The following FAM199X variants were observed in gnomAD, a reference collection of about 807,000 sequenced individuals.
The protein encoded by FAM199X is family with sequence similarity 199, X-linked.
In FAM199X, 4 loss-of-function variants were observed where a neutral mutation model predicts 22.9. The ratio of observed to expected loss-of-function variants is 0.17; its 90% CI spans 0.09 to 0.40. FAM199X has a LOEUF of 0.40. FAM199X is among the 10% of genes least tolerant of loss of function. FAM199X has a pLI of 1.00. For missense variants in FAM199X, 183 were observed against 306.8 expected (o/e 0.60, Z 3.01); for synonymous variants, 101 against 112.3 (o/e 0.90, Z 0.64).
chrX:104,158,331 C>A, the FAM199X span, among the ~76,000 whole-genome samples: 1 of 111,369 alleles, frequency 9.0e-6, no homozygotes, highest in Admixed American at 9.5e-5. Context: ...TAGGAATTGG[C>A]ATAACCAGCT....
upstream of FAM199X, among the ~76,000 whole-genome samples, chrX:104,164,615 C>T (rs1921110212): frequency 1.8e-5 from 2 of 111,669 alleles, no homozygotes; most frequent in African/African-American, 6.5e-5. Context: ...GGCACAGTAG[C>T]TCCACCTGTA....
At chrX:104,186,658 A>G in intron 4 of FAM199X, 37 bp downstream of exon 4, 1 of 1,101,932 alleles carries the variant, frequency 9.1e-7, no homozygotes, top group Admixed American at 2.6e-5. Context: ...ACCTATTAAA[A>G]ATACCACCAT....
chrX:104,158,899 C>T, the FAM199X span, among the ~76,000 whole-genome samples: 1 of 112,035 alleles, frequency 8.9e-6, no homozygotes, highest in Non-Finnish European at 1.9e-5. Flanking sequence ...CAGAACCCAT[C>T]ACTCCACACC....
intron 2 of FAM199X, among the ~76,000 whole-genome samples, chrX:104,176,886 GA>G (rs781985747): frequency 5.6e-4 from 62 of 110,612 alleles, no homozygotes; most frequent in African/African-American, 1.8e-3. Context: ...GAAAAGATGA[GA>G]TTTTTTTTTA....
Position 104,188,117 on chromosome X carries a change from T to C in FAM199X, c.807T>C (p.Cys269=). 1 of 1,211,642 alleles carries C rather than the reference T, an allele frequency of 8.3e-7. No homozygotes were observed. The highest frequency in any genetic ancestry group is 1.1e-6 in the Non-Finnish European group (1 of 895,506). The part of the protein sequence containing the change: ...REAWKRSNFS[C]ASTSGVSGAS... ...CCTGGAAGAGAAGCAACTTTAGTTG[T>C]GCAAGCACCAGTGGAGTGAGCGGTG... Residue 269 remains cysteine (C), a synonymous_variant, in exon 5 of 6, where the codon TGT becomes TGC. Coordinates refer to ENST00000493442, the MANE Select transcript of FAM199X (RefSeq NM_207318.4).
upstream of FAM199X, among the ~76,000 whole-genome samples, chrX:104,164,521 ACTCT>A (rs1921106972): frequency 9.0e-6 from 1 of 111,380 alleles, no homozygotes; most frequent in Non-Finnish European, 1.9e-5. Context: ...AACCTCACAG[ACTCT>A]CTCATTAGAC....
chrX:104,185,095 C>T (rs1157406846), intron 2 of FAM199X, among the ~76,000 whole-genome samples: 1 of 87,879 alleles, frequency 1.1e-5, no homozygotes, highest in Non-Finnish European at 2.1e-5. Flanking sequence ...TTTAGAGAGA[C>T]GGGGTCTCGC....
chrX:104,185,062 A>G (rs1026721770), intron 2 of FAM199X, among the ~76,000 whole-genome samples: 15 of 77,954 alleles, frequency 1.9e-4, no homozygotes, highest in African/African-American at 5.8e-4. Context: ...AGGCATGATA[A>G]TTTTTTTTTT....
chrX:104,182,529 G>A (rs1556378133), intron 2 of FAM199X, among the ~76,000 whole-genome samples: 1 of 110,965 alleles, frequency 9.0e-6, no homozygotes, highest in Non-Finnish European at 1.9e-5. Context: ...TTCTTCTGTT[G>A]AGCTTTCAAA....
Position 104,186,501 on chromosome X carries a change from G to A in FAM199X, c.609G>A (p.Glu203=). ...IEYLSRKVST[E]MGLREQLDII... is the part of the protein sequence containing the mutation. ...ATCTGAGTCGGAAAGTGAGTACTGAGATGGGTCTTCGGGAGCAACTTGATA... is the reference window on the plus strand; with the variant it reads ...ATCTGAGTCGGAAAGTGAGTACTGAAATGGGTCTTCGGGAGCAACTTGATA... Residue 203 remains glutamate (E), a synonymous_variant, in exon 4 of 6, where the codon GAG becomes GAA. Coordinates refer to ENST00000493442, the MANE Select transcript of FAM199X (RefSeq NM_207318.4). 8.3e-7 allele frequency: 1 copy of A among 1,211,240 alleles called. No individual in the cohort carries two copies. The highest frequency in any genetic ancestry group is 1.1e-6 in the Non-Finnish European group (1 of 895,054).
intron 2 of FAM199X, among the ~76,000 whole-genome samples, chrX:104,180,577 A>AT (rs1234604452): frequency 3.6e-5 from 4 of 111,146 alleles, no homozygotes; most frequent in Non-Finnish European, 7.5e-5. Flanking sequence ...TGTCAGAACA[A>AT]AAATCAGACC....
rs1556379090 is a variant in FAM199X at position 104,186,194 on chromosome X, T to C, written c.546T>C (p.Ser182=). The C allele has an allele frequency of 1.7e-6, 2 of 1,207,480 alleles. No homozygotes were observed. Among genetic ancestry groups the C allele is most frequent in the African/African-American group, 1.7e-5 (1 of 57,503 alleles). ...GGAATTTAGATGAACTCCCTTGGAG[T>C]GCAATGACAAATGATGAGCAGGTAA... ...KHRNLDELPW[S]AMTNDEQVEY... is the part of the protein sequence containing the mutation. Residue 182 remains serine (S), a synonymous_variant, in exon 3 of 6, where the codon AGT becomes AGC. Coordinates refer to ENST00000493442, the MANE Select transcript of FAM199X (RefSeq NM_207318.4).
upstream of FAM199X, among the ~76,000 whole-genome samples, chrX:104,163,095 TACACACACAC>T (rs35140355): frequency 0.021 from 1,976 of 95,365 alleles, 24 homozygotes; most frequent in Non-Finnish European, 0.029. Context: ...CTCAGCTAAA[TACACACACAC>T]ACACACACAC....
intron 2 of FAM199X, among the ~76,000 whole-genome samples, chrX:104,178,355 C>A (rs1399088767): frequency 1.8e-5 from 2 of 110,947 alleles, no homozygotes; most frequent in Admixed American, 9.6e-5. Context: ...TTAGTAGAGA[C>A]GGGGTTTCAC....
intron 2 of FAM199X, among the ~76,000 whole-genome samples, chrX:104,183,995 T>TC (rs1300851381): frequency 8.9e-6 from 1 of 111,878 alleles, no homozygotes; most frequent in African/African-American, 3.3e-5. Flanking sequence ...TGTGATTGAT[T>TC]CCCCAGTGCC....
intron 4 of FAM199X, among the ~76,000 whole-genome samples, chrX:104,187,471 GTTTC>G (rs1383075196): frequency 9.0e-6 from 1 of 111,642 alleles, no homozygotes; most frequent in Non-Finnish European, 1.9e-5. Flanking sequence ...CTTTTGATTT[GTTTC>G]TTTGTTTTGC....
At position 104,194,997 on chromosome X, in the gene FAM199X, C is replaced by T. The variant is rs1321414266; in HGVS notation, c.*5219C>T. ...TACAGTGTATATAAAGCCTGTTTTC[C>T]CTGAAGCTGTGAGGGAATAACAATA... is the stretch of plus-strand genomic sequence containing the variant. On this transcript the variant is annotated 3_prime_UTR_variant, in exon 6 of 6. Transcript: ENST00000493442. The T allele has an allele frequency of 9.2e-6, 1 of 109,027 alleles. No individual in the cohort carries two copies. Among genetic ancestry groups the T allele is most frequent in the Non-Finnish European group, 1.9e-5 (1 of 52,440 alleles). 9.0% of individuals were successfully genotyped at this position (109,027 alleles called of 1,213,427 possible). A position where few individuals can be genotyped will look rare whatever the true frequency, so the allele number is the denominator to read the frequency against.
Position 104,194,140 on chromosome X carries a change from C to T in FAM199X, c.*4362C>T, listed in dbSNP as rs1179479017. On this transcript the variant is annotated 3_prime_UTR_variant, in exon 6 of 6. Transcript: ENST00000493442. ...AGGTAATTACTGTTTTAACCTAGAGCATATAATGGCAAATTAAATTTTAAT... is the reference window on the plus strand; with the variant it reads ...AGGTAATTACTGTTTTAACCTAGAGTATATAATGGCAAATTAAATTTTAAT... 1 of 111,497 alleles carries T rather than the reference C, an allele frequency of 9.0e-6. No homozygotes were observed. Among genetic ancestry groups the T allele is most frequent in the Non-Finnish European group, 1.9e-5 (1 of 52,918 alleles). The allele number at this position is 111,497 out of a possible 1,213,427, so 9.2% of individuals were successfully genotyped here. A position where few individuals can be genotyped will look rare whatever the true frequency, so the allele number is the denominator to read the frequency against.
In FAM199X at chrX:104,189,588, A is replaced by G. The variant is rs1556379931; in HGVS notation, c.997-20A>G. On this transcript the variant is annotated intron_variant, in intron 5 of 5. Coordinates refer to ENST00000493442, the MANE Select transcript of FAM199X (RefSeq NM_207318.4). ...GCCAAAAACTAAACCAAACTGATTT[A>G]GAAATTTTTATTTTGACAGAAGCGA... is the stretch of plus-strand genomic sequence containing the variant. The G allele has an allele frequency of 5.8e-6, 7 of 1,210,411 alleles. No individual in the cohort carries two copies. The highest frequency in any genetic ancestry group is 4.4e-5 in the Admixed American group (2 of 45,935).
Sources: gnomAD v4.1 joint callset for allele counts (sites outside exome capture counted in the v4.1 genomes callset) on GRCh38, gnomAD v4.1.1 for gene constraint, MANE v1.5 for transcripts, NCBI Gene and HGNC (gene_info 2026-07-23, HGNC 2026-07-21) for gene names.